Variants in PPP1R14C observed in about 807,000 individuals in gnomAD.
PPP1R14C encodes protein phosphatase 1 regulatory inhibitor subunit 14C, also known as protein phosphatase 1 regulatory subunit 14C.
A neutral mutation model predicts 20.4 loss-of-function variants in PPP1R14C; 16 were observed. The observed-to-expected ratio is 0.78, with a 90% confidence interval of 0.53 to 1.19. The LOEUF (loss-of-function observed/expected upper bound fraction) is 1.19. PPP1R14C is among the 50% of genes most tolerant of loss of function. The pLI is 0.00. For missense variants in PPP1R14C, 211 were observed against 220.1 expected, an observed-to-expected ratio of 0.96 and a Z score of 0.26; for synonymous variants, 91 against 91.0, an observed-to-expected ratio of 1.00 and a Z score of 0.00.
At chr6:150,236,591 C>T (rs778879915) in intron 3 of PPP1R14C, among the ~76,000 whole-genome samples, 9 of 132,600 alleles carry the variant, frequency 6.8e-5, no homozygotes, top group African/African-American at 2.3e-4. Flanking sequence ...GAGCTGAAAG[C>T]GGAGGGAGGT....
intron 1 of PPP1R14C, among the ~76,000 whole-genome samples, chr6:150,146,317 G>A (rs1777179848): frequency 1.3e-5 from 2 of 152,208 alleles, no homozygotes; most frequent in South Asian, 4.1e-4. Flanking sequence ...GTATACCCAT[G>A]AGGCCTGTCT....
At chr6:150,181,473 A>G (rs202047119) in intron 1 of PPP1R14C, among the ~76,000 whole-genome samples, 5 of 151,192 alleles carry the variant, frequency 3.3e-5, no homozygotes, top group African/African-American at 1.2e-4. Flanking sequence ...ACATTAAAAA[A>G]AGTTCTCGAA....
chr6:150,227,636 A>G (rs1000669818), intron 3 of PPP1R14C, among the ~76,000 whole-genome samples: 1 of 152,184 alleles, frequency 6.6e-6, no homozygotes, highest in African/African-American at 2.4e-5. Flanking sequence ...AAAGACGGCA[A>G]TCTTGGGCTG....
At chr6:150,211,457 C>T (rs1347732342) in intron 1 of PPP1R14C, among the ~76,000 whole-genome samples, 4 of 152,178 alleles carry the variant, frequency 2.6e-5, no homozygotes, top group Admixed American at 6.5e-5. Context: ...TAGGGACACA[C>T]CTTTAATGTG....
intron 3 of PPP1R14C, among the ~76,000 whole-genome samples, chr6:150,232,569 G>T (rs1027684522): frequency 1.3e-5 from 2 of 152,140 alleles, no homozygotes; most frequent in African/African-American, 4.8e-5. Flanking sequence ...TTACACCTAG[G>T]TATTCAAACC....
At chr6:150,156,024 CAAAAAAAAAAAAAAAA>C (rs67908012) in intron 1 of PPP1R14C, among the ~76,000 whole-genome samples, 4 of 38,422 alleles carry the variant, frequency 1.0e-4, no homozygotes, top group African/African-American at 2.9e-4. Context: ...GACTCTGTCT[CAAAAAAAAAAAAAAAA>C]AAAAAAAAAA....
chr6:150,217,648 G>A (rs1294668344), intron 3 of PPP1R14C, among the ~76,000 whole-genome samples: 1 of 152,186 alleles, frequency 6.6e-6, no homozygotes, highest in Non-Finnish European at 1.5e-5. Context: ...TTAGACTAAA[G>A]CATTTCATGT....
chr6:150,151,682 G>T (rs2114851615), intron 1 of PPP1R14C, among the ~76,000 whole-genome samples: 1 of 152,290 alleles, frequency 6.6e-6, no homozygotes, highest in Non-Finnish European at 1.5e-5. Flanking sequence ...CTTTATGAAG[G>T]AGATGGTGTT....
chr6:150,158,123 CT>C (rs1035503788), intron 1 of PPP1R14C, among the ~76,000 whole-genome samples: 3 of 152,154 alleles, frequency 2.0e-5, no homozygotes, highest in African/African-American at 7.2e-5. Flanking sequence ...TTATCTAATC[CT>C]TTCAGAGAAA....
intron 3 of PPP1R14C, among the ~76,000 whole-genome samples, chr6:150,247,223 A>G (rs1290860466): frequency 2.0e-5 from 3 of 152,164 alleles, no homozygotes; most frequent in Admixed American, 1.3e-4. Flanking sequence ...GGCTCCATGG[A>G]CAGCAAAGTT....
In PPP1R14C at chr6:150,248,965, G is replaced by A. The variant is rs1259253920; in HGVS notation, c.*145G>A. On this transcript the variant is annotated 3_prime_UTR_variant, in exon 4 of 4. Transcript: ENST00000361131. ...TCTTTTTTGGTGTGAAGGTGGGGGG[G>A]TCTATTAGACATTTATTCAAGAGCG... is the stretch of plus-strand genomic sequence containing the variant. 10 of 502,488 alleles carry A rather than the reference G, an allele frequency of 2.0e-5. No individual in the cohort carries two copies. The highest frequency in any genetic ancestry group is 3.5e-5 in the Non-Finnish European group (10 of 285,962). 31.1% of individuals were successfully genotyped at this position (502,488 alleles called of 1,614,324 possible).
chr6:150,227,652 A>G (rs138850177), intron 3 of PPP1R14C, among the ~76,000 whole-genome samples: 35 of 152,314 alleles, frequency 2.3e-4, no homozygotes, highest in African/African-American at 8.4e-4. Context: ...GGCTGGGATG[A>G]GGAACAGAGC....
At position 150,216,929 on chromosome 6, in the gene PPP1R14C, C is replaced by T. The variant is rs1778101599; in HGVS notation, c.423+73C>T. The stretch of plus-strand genomic sequence containing the variant: ...TAAATCAATTTGTCTATTTTTAAAG[C>T]AAACCACAATAAGTAGGTTTGAGTG... On this transcript the variant is annotated intron_variant, in intron 3 of 3. Transcript: ENST00000361131. 4 of 1,247,518 alleles carry T rather than the reference C, an allele frequency of 3.2e-6. No individual in the cohort carries two copies. The East Asian group carries it at 7.1e-5, about 22-fold the overall frequency. 77.3% of individuals were successfully genotyped at this position (1,247,518 alleles called of 1,614,324 possible).
intron 1 of PPP1R14C, among the ~76,000 whole-genome samples, chr6:150,165,605 T>C (rs1777414027): frequency 6.6e-6 from 1 of 152,258 alleles, no homozygotes; most frequent in South Asian, 2.1e-4. Context: ...GTTTCTATTT[T>C]TAATTTTAGA....
At chr6:150,167,674 G>C (rs747858078) in intron 1 of PPP1R14C, among the ~76,000 whole-genome samples, 1 of 152,062 alleles carries the variant, frequency 6.6e-6, no homozygotes, top group Non-Finnish European at 1.5e-5. Flanking sequence ...CGGAAGACCA[G>C]AGCTGTCTTA....
intron 3 of PPP1R14C, among the ~76,000 whole-genome samples, chr6:150,222,361 T>C (rs1005363921): frequency 3.9e-5 from 6 of 152,128 alleles, no homozygotes; most frequent in African/African-American, 1.2e-4. Flanking sequence ...CTCACTCCCA[T>C]CCACCTCACA....
Position 150,238,966 on chromosome 6 carries a change from G to A in PPP1R14C, c.424-9780G>A, listed in dbSNP as rs117454366. 9.6e-3 allele frequency among the ~76,000 whole-genome samples: 1,461 copies of A among 151,708 alleles called. 14 individuals carry two copies. Among genetic ancestry groups the A allele is most frequent in the Middle Eastern group, 0.031 (9 of 294 alleles). ...TTTCCTTCTTTTTTTTTTGGCGGTC[G>A]AGCGTAAGCAGTGTCAGATCCCCAT... On this transcript the variant is annotated intron_variant, in intron 3 of 3. Coordinates refer to ENST00000361131, the MANE Select transcript of PPP1R14C (RefSeq NM_030949.3).
At chr6:150,239,119 A>G (rs975528783) in intron 3 of PPP1R14C, among the ~76,000 whole-genome samples, 6 of 152,224 alleles carry the variant, frequency 3.9e-5, no homozygotes, top group Admixed American at 3.9e-4. Context: ...TGTTGTGGTT[A>G]AAGAATTGCC....
chr6:150,160,343 C>T (rs1351546171), intron 1 of PPP1R14C, among the ~76,000 whole-genome samples: 1 of 142,804 alleles, frequency 7.0e-6, no homozygotes, highest in Admixed American at 7.5e-5. Context: ...CGGCTCACTG[C>T]AAGCTCCACC....
Sources: gnomAD v4.1 joint callset for allele counts (sites outside exome capture counted in the v4.1 genomes callset) on GRCh38, gnomAD v4.1.1 for gene constraint, MANE v1.5 for transcripts, NCBI Gene and HGNC (gene_info 2026-07-23, HGNC 2026-07-21) for gene names.